Variants in FTCDNL1 observed in about 807,000 individuals in gnomAD.
The protein encoded by FTCDNL1 is formiminotransferase cyclodeaminase N-terminal like.
Under a neutral mutation model 5.9 loss-of-function variants are expected in FTCDNL1, and 11 were observed. The ratio of observed to expected loss-of-function variants is 1.87; its 90% CI spans 1.18 to 3.10. The LOEUF (loss-of-function observed/expected upper bound fraction) is 3.10, where lower values mean the gene tolerates loss of function less well. Ranked by LOEUF, FTCDNL1 falls within the 30% of genes most tolerant of loss-of-function variation. The pLI, the probability that FTCDNL1 is intolerant of heterozygous loss-of-function variation, is 0.00. For synonymous variants in FTCDNL1, 58 were observed against 24.8 expected (o/e 2.34, Z -3.99); for missense variants, 115 against 65.5 (o/e 1.76, Z -2.61).
chr2:199,733,204 C>A, the FTCDNL1 span, among the ~76,000 whole-genome samples: 1 of 152,202 alleles, frequency 6.6e-6, no homozygotes, highest in Non-Finnish European at 1.5e-5. Flanking sequence ...GGGAGGATAG[C>A]ATGAGAAGAG....
intron 3 of FTCDNL1, among the ~76,000 whole-genome samples, chr2:199,774,135 G>A (rs1698947417): frequency 6.6e-6 from 1 of 152,144 alleles, no homozygotes; most frequent in African/African-American, 2.4e-5. Flanking sequence ...AAAAGTTCTG[G>A]CTTTTCTATT....
chr2:199,766,770 T>C (rs997021661), intron 3 of FTCDNL1, among the ~76,000 whole-genome samples: 2 of 152,188 alleles, frequency 1.3e-5, no homozygotes, highest in African/African-American at 2.4e-5. Context: ...AAGTACTCTC[T>C]ATTGATCAAT....
chr2:199,722,194 C>A, the FTCDNL1 span, among the ~76,000 whole-genome samples: 1 of 152,172 alleles, frequency 6.6e-6, no homozygotes, highest in Admixed American at 6.5e-5. Context: ...ATCATGAAAT[C>A]TTTGCCTGTG....
At chr2:199,709,133 C>T in the FTCDNL1 span, among the ~76,000 whole-genome samples, 189 of 152,244 alleles carry the variant, frequency 1.2e-3, 1 homozygote, top group African/African-American at 4.4e-3. Flanking sequence ...CCATATCTTT[C>T]TCCAGTTCTC....
chr2:199,766,375 G>T (rs896236894), intron 3 of FTCDNL1, among the ~76,000 whole-genome samples: 1 of 152,100 alleles, frequency 6.6e-6, no homozygotes, highest in Non-Finnish European at 1.5e-5. Context: ...CATCATCATA[G>T]CCTTCCCATA....
At chr2:199,691,362 A>G in the FTCDNL1 span, among the ~76,000 whole-genome samples, 1 of 152,074 alleles carries the variant, frequency 6.6e-6, no homozygotes, top group Non-Finnish European at 1.5e-5. Context: ...TAGTAGAGAC[A>G]GGGTTTCTCC....
intron 3 of FTCDNL1, among the ~76,000 whole-genome samples, chr2:199,776,956 ATATGTGTG>A (rs1472214808): frequency 1.7e-4 from 19 of 110,230 alleles, no homozygotes; most frequent in South Asian, 3.2e-4. Context: ...AGATGTGTGT[ATATGTGTG>A]TGTGTGTGTG....
the FTCDNL1 span, among the ~76,000 whole-genome samples, chr2:199,691,370 T>G: frequency 6.6e-6 from 1 of 152,106 alleles, no homozygotes; most frequent in African/African-American, 2.4e-5. Context: ...ACAGGGTTTC[T>G]CCATGTTGGT....
chr2:199,740,011 G>A, the FTCDNL1 span, among the ~76,000 whole-genome samples: 18,538 of 152,194 alleles, frequency 0.12, 1,491 homozygotes, highest in South Asian at 0.26. Context: ...CCCTGCTGGC[G>A]AGAGTACGCA....
At chr2:199,678,322 T>C in the FTCDNL1 span, among the ~76,000 whole-genome samples, 1 of 152,060 alleles carries the variant, frequency 6.6e-6, no homozygotes, top group Non-Finnish European at 1.5e-5. Flanking sequence ...GTAAAATAGA[T>C]AGATTATCTT....
At chr2:199,732,438 C>T in the FTCDNL1 span, among the ~76,000 whole-genome samples, 5 of 152,114 alleles carry the variant, frequency 3.3e-5, no homozygotes, top group Non-Finnish European at 5.9e-5. Flanking sequence ...AAAAGACAGA[C>T]ATTGGCATAA....
intron 4 of FTCDNL1, among the ~76,000 whole-genome samples, chr2:199,817,869 G>A (rs1055973128): frequency 6.6e-6 from 1 of 152,140 alleles, no homozygotes; most frequent in Admixed American, 6.5e-5. Context: ...ACAGGCAGGT[G>A]ATAGATCAGA....
intron 3 of FTCDNL1, among the ~76,000 whole-genome samples, chr2:199,829,380 C>T (rs942515720): frequency 6.6e-6 from 1 of 152,090 alleles, no homozygotes; most frequent in Non-Finnish European, 1.5e-5. Context: ...TTAGTCATTT[C>T]TAAATATGAA....
the FTCDNL1 span, among the ~76,000 whole-genome samples, chr2:199,751,223 T>C: frequency 6.6e-6 from 1 of 152,258 alleles, no homozygotes; most frequent in Non-Finnish European, 1.5e-5. Context: ...ATTAGGCTAA[T>C]GCTGTCAGCT....
chr2:199,723,067 T>C, the FTCDNL1 span, among the ~76,000 whole-genome samples: 5 of 152,078 alleles, frequency 3.3e-5, no homozygotes, highest in African/African-American at 1.2e-4. Context: ...CACCTAAATA[T>C]TAAGCCCAGC....
At chr2:199,733,047 G>C in the FTCDNL1 span, among the ~76,000 whole-genome samples, 1 of 152,190 alleles carries the variant, frequency 6.6e-6, no homozygotes, top group Non-Finnish European at 1.5e-5. Context: ...GAGCATCTGT[G>C]TCAGCTGACA....
chr2:199,849,894 C>CT (rs951378815), intron 1 of FTCDNL1, among the ~76,000 whole-genome samples: 1 of 152,148 alleles, frequency 6.6e-6, no homozygotes, highest in African/African-American at 2.4e-5. Flanking sequence ...TAATGAGGGT[C>CT]TTTTTCTGAC....
At chr2:199,754,999 G>A in the FTCDNL1 span, among the ~76,000 whole-genome samples, 2 of 152,148 alleles carry the variant, frequency 1.3e-5, no homozygotes, top group Non-Finnish European at 2.9e-5. Flanking sequence ...ATCATATAGA[G>A]TGTAATCTCT....
At chr2:199,804,130 C>T (rs182810341) in intron 3 of FTCDNL1, among the ~76,000 whole-genome samples, 37 of 152,290 alleles carry the variant, frequency 2.4e-4, no homozygotes, top group African/African-American at 5.3e-4. Flanking sequence ...ATCCTTTATA[C>T]GTACTAGAAA....
Sources: allele counts gnomAD v4.1 joint callset (sites outside exome capture counted in the v4.1 genomes callset), GRCh38; gene constraint gnomAD v4.1.1; transcripts MANE v1.5; gene names NCBI Gene and HGNC (gene_info 2026-07-23, HGNC 2026-07-21).